The following GLDC variants were observed in gnomAD, a reference collection of about 807,000 sequenced individuals.
GLDC encodes the protein glycine decarboxylase, also known as glycine dehydrogenase (decarboxylating), mitochondrial.
A neutral mutation model predicts 121.3 loss-of-function variants in GLDC; 104 were observed. That is an observed-to-expected ratio of 0.86 (90% confidence interval 0.73 to 1.01). The LOEUF (loss-of-function observed/expected upper bound fraction) is 1.01. Ranked by LOEUF, GLDC falls within the 50% of genes least tolerant of loss-of-function variation. The pLI is 0.00. For missense variants in GLDC, 1,429 were observed against 1,306.6 expected (o/e 1.09, Z -1.44); for synonymous variants, 546 against 480.6 (o/e 1.14, Z -1.78).
At chr9:6,549,759 C>T (rs1817470944) in intron 21 of GLDC, among the ~76,000 whole-genome samples, 1 of 152,114 alleles carries the variant, frequency 6.6e-6, no homozygotes, top group African/African-American at 2.4e-5. Flanking sequence ...AACCTTCAAT[C>T]ACAGGTGTGA....
At chr9:6,644,535 G>C (rs1254572324) in intron 2 of GLDC, 79 bp downstream of exon 2, 2 of 957,878 alleles carry the variant, frequency 2.1e-6, no homozygotes, top group African/African-American at 3.2e-5. Flanking sequence ...CCTTACCCCA[G>C]AGCTCGATTT....
chr9:6,572,055 C>A (rs911698005), intron 15 of GLDC, among the ~76,000 whole-genome samples: 4 of 152,036 alleles, frequency 2.6e-5, no homozygotes, highest in East Asian at 1.9e-4. Context: ...GGATCATGGA[C>A]TTAAATGTAA....
intron 11 of GLDC, among the ~76,000 whole-genome samples, chr9:6,589,654 T>C (rs1433645149): frequency 6.6e-6 from 1 of 152,134 alleles, no homozygotes; most frequent in Non-Finnish European, 1.5e-5. Flanking sequence ...CACAAACTCC[T>C]GGGCTCAAGC....
intron 2 of GLDC, 132 bp downstream of exon 2, chr9:6,644,482 C>T: frequency 1.4e-6 from 1 of 713,586 alleles, no homozygotes; most frequent in Non-Finnish European, 2.5e-6. Flanking sequence ...GAGGTACCCG[C>T]CACTGTTTTA....
chr9:6,625,799 T>A (rs1353675835), intron 2 of GLDC, among the ~76,000 whole-genome samples: 1 of 151,574 alleles, frequency 6.6e-6, no homozygotes, highest in Non-Finnish European at 1.5e-5. Context: ...GGGGTTAACG[T>A]TTTATGGGTC....
intron 15 of GLDC, among the ~76,000 whole-genome samples, chr9:6,585,949 C>G (rs920442848): frequency 6.6e-6 from 1 of 151,890 alleles, no homozygotes; most frequent in Non-Finnish European, 1.5e-5. Context: ...GACCACAAAT[C>G]CAGGGGATTC....
At chr9:6,601,112 G>T (rs938345497) in intron 8 of GLDC, among the ~76,000 whole-genome samples, 12 of 152,288 alleles carry the variant, frequency 7.9e-5, no homozygotes, top group Non-Finnish European at 1.5e-4. Context: ...AGCAGAGGTT[G>T]CAGTGAGCTG....
intron 2 of GLDC, among the ~76,000 whole-genome samples, chr9:6,627,383 A>C (rs1819267315): frequency 2.0e-5 from 3 of 152,136 alleles, no homozygotes; most frequent in Admixed American, 2.0e-4. Context: ...AAAACTGTCA[A>C]ACATGAGACA....
At position 6,573,248 on chromosome 9, in the gene GLDC, G is replaced by C. The variant is rs146941760; in HGVS notation, c.1851-7819C>G. ...GGTGGAGGCAGGTGGATCACCTGAG[G>C]TCAGGAGTTCAAGATCAGCCTGGCC... On this transcript the variant is annotated intron_variant, in intron 15 of 24. Coordinates refer to ENST00000321612, the MANE Select transcript of GLDC (RefSeq NM_000170.3). Among the ~76,000 whole-genome samples, 768 of 152,124 alleles carry C rather than the reference G, an allele frequency of 5.0e-3. 11 individuals are homozygous for C. The highest frequency in any genetic ancestry group is 0.017 in the African/African-American group (719 of 41,474).
chr9:6,644,484 A>G (rs916009893), intron 2 of GLDC, 130 bp downstream of exon 2: 2 of 715,902 alleles, frequency 2.8e-6, no homozygotes, highest in Middle Eastern at 2.3e-4. Context: ...GGTACCCGCC[A>G]CTGTTTTATT....
intron 16 of GLDC, among the ~76,000 whole-genome samples, chr9:6,561,428 C>T (rs905141066): frequency 2.6e-5 from 4 of 152,138 alleles, no homozygotes; most frequent in African/African-American, 9.7e-5. Context: ...GCAGGCGGTT[C>T]ACTTGAGGCC....
intron 21 of GLDC, among the ~76,000 whole-genome samples, chr9:6,547,563 T>C (rs182511442): frequency 6.2e-4 from 94 of 152,248 alleles, no homozygotes; most frequent in Admixed American, 6.0e-3. Context: ...ATTGAAGCCA[T>C]ACATGTCAAA....
rs190042704 is a variant in GLDC, at chr9:6,569,260, T to C, written c.1851-3831A>G. On this transcript the variant is annotated intron_variant, in intron 15 of 24. Transcript: ENST00000321612. ...AGAGCTAAAAGTTCCTTTGCCAAGG[T>C]TGGAACGGGAGTTCAAAGAAAAAAC... is the stretch of plus-strand genomic sequence containing the variant. The C allele has an allele frequency of 2.6e-5, 4 of 152,318 alleles. No homozygotes were observed. The East Asian group carries it at 7.7e-4, about 29-fold the overall frequency. 9.4% of individuals were successfully genotyped at this position (152,318 alleles called of 1,614,324 possible).
chr9:6,592,152 C>T lies in GLDC; in HGVS notation c.1473G>A (p.Glu491=), dbSNP rs761867336. The change falls in exon 11 of 25, where the codon GAG becomes GAA. Residue 491 remains glutamate (E), a synonymous_variant. Transcript: ENST00000321612. ...TTTTTATTTTACTTACTGCAGATGA[C>T]TCACAACCAAAGATCCACAACAAAT... is the stretch of plus-strand genomic sequence containing the variant. ...LDDLLWIFGC[E]SSAELVAESM... is the part of the protein sequence containing the mutation. 6.3e-7 allele frequency: 1 copy of T among 1,591,426 alleles called. No homozygotes were observed. The highest frequency in any genetic ancestry group is 8.6e-7 in the Non-Finnish European group (1 of 1,159,356).
Position 6,605,104 on chromosome 9 carries a change from G to T in GLDC, c.861+27C>A, listed in dbSNP as rs777259028. ...ATACAAGTTGGGATACGCCTCCACG[G>T]ACCCCCCACAAGAAAGGTATACCTA... On this transcript the variant is annotated intron_variant, in intron 6 of 24. Coordinates refer to ENST00000321612, the MANE Select transcript of GLDC (RefSeq NM_000170.3). 2.1e-5 allele frequency: 34 copies of T among 1,605,290 alleles called. No homozygotes were observed. In the South Asian group the frequency reaches 3.6e-4, roughly 17 times the overall value.
chr9:6,573,229 G>C (rs568696330), intron 15 of GLDC, among the ~76,000 whole-genome samples: 1 of 152,060 alleles, frequency 6.6e-6, no homozygotes, highest in Non-Finnish European at 1.5e-5. Flanking sequence ...GGCAGGTGGA[G>C]GCAGGTGGAT....
At chr9:6,550,096 T>C (rs1225897506) in intron 21 of GLDC, among the ~76,000 whole-genome samples, 1 of 152,234 alleles carries the variant, frequency 6.6e-6, no homozygotes, top group Non-Finnish European at 1.5e-5. Flanking sequence ...TACGCTGGCT[T>C]CCAGGCCCAT....
Position 6,536,128 on chromosome 9 carries a change from C to G in GLDC, c.2774G>C (p.Ser925Thr), listed in dbSNP as rs781057291. ...ELDRFCDAMI[S>T]IRQEIADIEE... ...AATGTCAGCAATTTCCTGCCGAATGCTGATCATGGCATCACAGAATCTGTC... is the reference window on the plus strand; with the variant it reads ...AATGTCAGCAATTTCCTGCCGAATGGTGATCATGGCATCACAGAATCTGTC... The change falls in exon 23 of 25, where the codon AGC becomes ACC. Residue 925 changes from serine to threonine, a missense_variant. Ser to Thr is a moderately conservative substitution (Grantham distance 58). Coordinates refer to ENST00000321612, the MANE Select transcript of GLDC (RefSeq NM_000170.3). 9.3e-6 allele frequency: 15 copies of G among 1,614,052 alleles called. No individual in the cohort carries two copies. Among genetic ancestry groups the G allele is most frequent in the Admixed American group, 1.7e-5 (1 of 60,002 alleles).
At chr9:6,617,505 G>C (rs982950574) in intron 3 of GLDC, among the ~76,000 whole-genome samples, 28 of 152,040 alleles carry the variant, frequency 1.8e-4, no homozygotes, top group African/African-American at 6.5e-4. Context: ...ATTTTCTTTT[G>C]AAATTAACCT....
Sources: allele counts gnomAD v4.1 joint callset (sites outside exome capture counted in the v4.1 genomes callset), GRCh38; gene constraint gnomAD v4.1.1; transcripts MANE v1.5; gene names NCBI Gene and HGNC (gene_info 2026-07-23, HGNC 2026-07-21).